The following LUZP2 variants were observed in gnomAD, a reference collection of about 807,000 sequenced individuals.
LUZP2 encodes leucine zipper protein 2.
A neutral mutation model predicts 51.6 loss-of-function variants in LUZP2; 52 were observed. The ratio of observed to expected loss-of-function variants is 1.01; its 90% CI spans 0.81 to 1.27. The LOEUF (loss-of-function observed/expected upper bound fraction) is 1.27, where lower values mean the gene tolerates loss of function less well. LUZP2 is among the 50% of genes most tolerant of loss of function. LUZP2 has a pLI of 0.00. For synonymous variants in LUZP2, 154 were observed against 137.3 expected, an observed-to-expected ratio of 1.12 and a Z score of -0.85; for missense variants, 436 against 395.4, an observed-to-expected ratio of 1.10 and a Z score of -0.87.
chr11:24,716,133 T>G (rs1858031862), intron 1 of LUZP2, among the ~76,000 whole-genome samples: 1 of 152,176 alleles, frequency 6.6e-6, no homozygotes. Flanking sequence ...AATGAAGCTA[T>G]AGTTATGCTT....
chr11:24,635,972 T>C (rs185636741), intron 1 of LUZP2, among the ~76,000 whole-genome samples: 1 of 152,272 alleles, frequency 6.6e-6, no homozygotes, highest in Non-Finnish European at 1.5e-5. Context: ...TTACATATTG[T>C]CAGTGTGGTG....
At chr11:24,849,142 T>G (rs1354110495) in intron 5 of LUZP2, among the ~76,000 whole-genome samples, 1 of 143,090 alleles carries the variant, frequency 7.0e-6, no homozygotes, top group Non-Finnish European at 1.6e-5. Flanking sequence ...ATCTTTTTTA[T>G]TATTATACTT....
chr11:24,914,921 G>A (rs1018641032), intron 7 of LUZP2, among the ~76,000 whole-genome samples: 7 of 152,132 alleles, frequency 4.6e-5, no homozygotes, highest in Non-Finnish European at 1.0e-4. Flanking sequence ...AGAAGACAAT[G>A]AGACAGTTCA....
rs535076690 is a variant in LUZP2 at position 24,853,951 on chromosome 11, T to C, written c.397-52040T>C. Among the ~76,000 whole-genome samples, 444 of 152,290 alleles carry C rather than the reference T, an allele frequency of 2.9e-3. 2 individuals are homozygous for C. Among genetic ancestry groups the C allele is most frequent in the Non-Finnish European group, 3.8e-3 (257 of 68,026 alleles). On this transcript the variant is annotated intron_variant, in intron 5 of 11. Coordinates refer to ENST00000336930, the MANE Select transcript of LUZP2 (RefSeq NM_001009909.4). ...TTGCCTGGATATCACCAGTGGAGGC[T>C]GTAGAACAGCAAAGATTGCCGCCTG...
chr11:24,667,476 C>T (rs554125172), intron 1 of LUZP2, among the ~76,000 whole-genome samples: 12 of 152,076 alleles, frequency 7.9e-5, no homozygotes, highest in South Asian at 2.1e-4. Flanking sequence ...TGAGCTGCCG[C>T]GTCCACCACA....
intron 4 of LUZP2, among the ~76,000 whole-genome samples, chr11:24,754,680 G>A (rs1859708254): frequency 6.6e-6 from 1 of 152,140 alleles, no homozygotes; most frequent in African/African-American, 2.4e-5. Context: ...ATTTATAGGT[G>A]GAGTCTGACA....
intron 9 of LUZP2, among the ~76,000 whole-genome samples, chr11:25,000,249 C>T (rs1230737786): frequency 6.6e-6 from 1 of 152,172 alleles, no homozygotes; most frequent in Non-Finnish European, 1.5e-5. Flanking sequence ...CTCCAAGTCC[C>T]CACCTGACCC....
intron 5 of LUZP2, among the ~76,000 whole-genome samples, chr11:24,871,520 G>T (rs1852071751): frequency 6.6e-6 from 1 of 151,882 alleles, no homozygotes; most frequent in African/African-American, 2.4e-5. Flanking sequence ...TGATTTAATT[G>T]TGAAAAAGGC....
chr11:25,036,700 TC>T (rs1857875183), intron 9 of LUZP2, among the ~76,000 whole-genome samples: 1 of 152,136 alleles, frequency 6.6e-6, no homozygotes, highest in Non-Finnish European at 1.5e-5. Context: ...ATGTTTTTTT[TC>T]CTGACCTAAT....
chr11:24,761,607 A>C (rs894463790), intron 4 of LUZP2, among the ~76,000 whole-genome samples: 2 of 152,134 alleles, frequency 1.3e-5, no homozygotes, highest in African/African-American at 4.8e-5. Flanking sequence ...AGACACCTAT[A>C]TACTGCTCTA....
chr11:24,737,773 A>C (rs1858997910), intron 3 of LUZP2, among the ~76,000 whole-genome samples: 1 of 152,114 alleles, frequency 6.6e-6, no homozygotes, highest in Non-Finnish European at 1.5e-5. Context: ...GGATGTATAA[A>C]GCACAATGCT....
At chr11:25,008,093 T>G (rs1051132111) in intron 9 of LUZP2, among the ~76,000 whole-genome samples, 1 of 152,196 alleles carries the variant, frequency 6.6e-6, no homozygotes, top group African/African-American at 2.4e-5. Flanking sequence ...TGACCAGTCG[T>G]GTCCTTACCT....
intron 5 of LUZP2, among the ~76,000 whole-genome samples, chr11:24,768,057 A>C (rs1472868639): frequency 6.6e-6 from 1 of 152,154 alleles, no homozygotes; most frequent in Non-Finnish European, 1.5e-5. Context: ...AGGCTCAAAA[A>C]TGAGTAGGAT....
intron 4 of LUZP2, among the ~76,000 whole-genome samples, chr11:24,744,864 T>G (rs1037405533): frequency 6.6e-6 from 1 of 152,134 alleles, no homozygotes; most frequent in Non-Finnish European, 1.5e-5. Context: ...ACTTTCCTCA[T>G]AGCACCACCT....
At chr11:24,655,106 T>G (rs1470870130) in intron 1 of LUZP2, among the ~76,000 whole-genome samples, 4 of 152,154 alleles carry the variant, frequency 2.6e-5, no homozygotes, top group African/African-American at 9.7e-5. Flanking sequence ...TATTGTGAAG[T>G]GGCAATTAAC....
intron 5 of LUZP2, among the ~76,000 whole-genome samples, chr11:24,895,630 T>A (rs1853016684): frequency 6.6e-6 from 1 of 152,238 alleles, no homozygotes; most frequent in Non-Finnish European, 1.5e-5. Context: ...TTTCTGTTCC[T>A]GTGTTTGTTT....
intron 1 of LUZP2, among the ~76,000 whole-genome samples, chr11:24,504,451 G>A (rs905262847): frequency 6.6e-6 from 1 of 152,116 alleles, no homozygotes; most frequent in Non-Finnish European, 1.5e-5. Flanking sequence ...CATGTTATAA[G>A]CTCTTTGCCT....
intron 5 of LUZP2, among the ~76,000 whole-genome samples, chr11:24,846,319 G>A (rs776511924): frequency 1.8e-4 from 27 of 151,836 alleles, no homozygotes; most frequent in Non-Finnish European, 3.2e-4. Flanking sequence ...AACATATACA[G>A]CAAGTCAAAT....
intron 1 of LUZP2, among the ~76,000 whole-genome samples, chr11:24,618,431 G>A (rs1157942583): frequency 1.3e-5 from 2 of 152,066 alleles, no homozygotes; most frequent in Non-Finnish European, 2.9e-5. Context: ...GGCCTTTGTT[G>A]GCATGAGTTG....
Sources: allele counts gnomAD v4.1 joint callset (sites outside exome capture counted in the v4.1 genomes callset), GRCh38; gene constraint gnomAD v4.1.1; transcripts MANE v1.5; gene names NCBI Gene and HGNC (gene_info 2026-07-23, HGNC 2026-07-21).